Variants in TDRD3 observed in about 807,000 individuals in gnomAD.
TDRD3 encodes the protein tudor domain-containing protein 3.
A neutral mutation model predicts 86.7 loss-of-function variants in TDRD3; 45 were observed. That is an observed-to-expected ratio of 0.52 (90% CI 0.41 to 0.67). TDRD3 has a LOEUF of 0.67. TDRD3 is among the 30% of genes least tolerant of loss of function. The probability of loss-of-function intolerance (pLI) is 0.00; values close to 1 mark genes in which losing one functional copy is unlikely to be tolerated. For synonymous variants in TDRD3, 298 were observed against 301.7 expected (o/e 0.99, Z 0.13); for missense variants, 814 against 889.0 (o/e 0.92, Z 1.07).
rs779230212 is a variant in TDRD3, at chr13:60,494,468, A to G, written c.751A>G (p.Arg251Gly). ...KTFGGGGGGA[R>G]SNLNMNAAGN... The stretch of plus-strand genomic sequence containing the variant: ...ATTTGGAGGAGGTGGTGGTGGTGCT[A>G]GAAGTAATCTCAATATGAATGCTGC... Residue 251 changes from arginine to glycine, a missense_variant, in exon 8 of 14, where the codon AGA becomes GGA. Arg to Gly is a moderately radical substitution (Grantham distance 125, BLOSUM62 -2). Transcript: ENST00000377881. 2 of 1,613,714 alleles carry G rather than the reference A, an allele frequency of 1.2e-6. No individual in the cohort carries two copies. Among genetic ancestry groups the G allele is most frequent in the South Asian group, 1.1e-5 (1 of 91,050 alleles).
chr13:60,533,929 A>G (rs1427391115), intron 11 of TDRD3, among the ~76,000 whole-genome samples: 7 of 152,196 alleles, frequency 4.6e-5, no homozygotes, highest in African/African-American at 1.7e-4. Flanking sequence ...TCAGACCTAC[A>G]ATTTGGGTCC....
intron 8 of TDRD3, among the ~76,000 whole-genome samples, chr13:60,497,259 A>T (rs1386936942): frequency 6.6e-6 from 1 of 152,034 alleles, no homozygotes; most frequent in East Asian, 1.9e-4. Context: ...GATTTAATAG[A>T]GTGAAAACAG....
chr13:60,408,294 C>T (rs976707888), intron 1 of TDRD3, among the ~76,000 whole-genome samples: 3 of 152,106 alleles, frequency 2.0e-5, no homozygotes, highest in South Asian at 2.1e-4. Context: ...TTATCAGCAG[C>T]ATGAAAAAGA....
At chr13:60,561,967 A>G (rs945436803) in intron 12 of TDRD3, among the ~76,000 whole-genome samples, 1 of 152,080 alleles carries the variant, frequency 6.6e-6, no homozygotes, top group African/African-American at 2.4e-5. Flanking sequence ...AGTATTGATA[A>G]TAATACATGA....
At chr13:60,462,111 T>C (rs927656656) in intron 4 of TDRD3, among the ~76,000 whole-genome samples, 2 of 152,214 alleles carry the variant, frequency 1.3e-5, no homozygotes, top group South Asian at 4.1e-4. Context: ...TTTGTTGACA[T>C]TGTGATTATA....
At chr13:60,425,385 G>A in intron 1 of TDRD3, among the ~76,000 whole-genome samples, 1 of 152,252 alleles carries the variant, frequency 6.6e-6, no homozygotes, top group East Asian at 1.9e-4. Flanking sequence ...GGGGTGTGGA[G>A]AAACACCCTA....
intron 3 of TDRD3, among the ~76,000 whole-genome samples, chr13:60,445,789 G>A (rs1955383839): frequency 6.6e-6 from 1 of 152,160 alleles, no homozygotes; most frequent in Non-Finnish European, 1.5e-5. Flanking sequence ...AGCAGTGTCT[G>A]TACATCCTTA....
chr13:60,485,982 T>C, intron 7 of TDRD3, 34 bp downstream of exon 7: 2 of 1,567,468 alleles, frequency 1.3e-6, no homozygotes, highest in South Asian at 1.2e-5. Flanking sequence ...TTTTATTTCT[T>C]ATCATTATGT....
At chr13:60,410,398 C>T (rs1038570164) in intron 1 of TDRD3, among the ~76,000 whole-genome samples, 1 of 152,136 alleles carries the variant, frequency 6.6e-6, no homozygotes, top group African/African-American at 2.4e-5. Context: ...AGAGTTTACT[C>T]TTGTTATCTT....
At chr13:60,450,257 C>A (rs1296205649) in intron 3 of TDRD3, among the ~76,000 whole-genome samples, 1 of 152,044 alleles carries the variant, frequency 6.6e-6, no homozygotes, top group Admixed American at 6.6e-5. Flanking sequence ...GAGGTGTGAC[C>A]CTTCTCTTCT....
chr13:60,455,820 C>T (rs978304557), intron 3 of TDRD3, among the ~76,000 whole-genome samples: 1 of 152,056 alleles, frequency 6.6e-6, no homozygotes, highest in African/African-American at 2.4e-5. Context: ...GTAATCCCAG[C>T]ACTTTAGAAG....
intron 12 of TDRD3, among the ~76,000 whole-genome samples, chr13:60,561,851 G>C (rs1373815520): frequency 6.7e-6 from 1 of 149,456 alleles, no homozygotes; most frequent in Non-Finnish European, 1.5e-5. Flanking sequence ...AGGCTACTAT[G>C]GGCCCAGGTT....
intron 12 of TDRD3, among the ~76,000 whole-genome samples, chr13:60,548,609 G>T (rs1160559579): frequency 6.6e-6 from 1 of 151,930 alleles, no homozygotes; most frequent in Non-Finnish European, 1.5e-5. Flanking sequence ...GCTCAATATG[G>T]TTTCTTGCTG....
chr13:60,456,853 G>A (rs1321138815), intron 3 of TDRD3, among the ~76,000 whole-genome samples: 2 of 151,866 alleles, frequency 1.3e-5, no homozygotes, highest in Non-Finnish European at 2.9e-5. Flanking sequence ...ACACCACCAC[G>A]CTTGGCTAAT....
At chr13:60,489,013 A>G (rs1956517443) in intron 7 of TDRD3, among the ~76,000 whole-genome samples, 1 of 151,726 alleles carries the variant, frequency 6.6e-6, no homozygotes. Flanking sequence ...TTGTCTCTTC[A>G]CTCTGTTGAT....
At chr13:60,453,484 T>TC (rs781087922) in intron 3 of TDRD3, among the ~76,000 whole-genome samples, 1 of 145,548 alleles carries the variant, frequency 6.9e-6, no homozygotes, top group Non-Finnish European at 1.6e-5. Flanking sequence ...TAGCAACACT[T>TC]TCCTTTAATC....
intron 10 of TDRD3, among the ~76,000 whole-genome samples, chr13:60,513,517 A>G (rs1957103558): frequency 6.6e-6 from 1 of 152,066 alleles, no homozygotes; most frequent in Non-Finnish European, 1.5e-5. Context: ...ATATTTTCCC[A>G]TAACTTCATG....
chr13:60,541,507 C>G (rs1385531311), intron 12 of TDRD3, among the ~76,000 whole-genome samples: 1 of 151,600 alleles, frequency 6.6e-6, no homozygotes, highest in Non-Finnish European at 1.5e-5. Flanking sequence ...GTGAATAATA[C>G]CAGAAGCTAT....
At chr13:60,442,283 AT>A (rs1955294790) in intron 2 of TDRD3, among the ~76,000 whole-genome samples, 1 of 152,042 alleles carries the variant, frequency 6.6e-6, no homozygotes, top group South Asian at 2.1e-4. Context: ...AACAAATTAT[AT>A]TTTTATTTCT....
Sources: allele counts gnomAD v4.1 joint callset (sites outside exome capture counted in the v4.1 genomes callset), GRCh38; gene constraint gnomAD v4.1.1; transcripts MANE v1.5; gene names NCBI Gene and HGNC (gene_info 2026-07-23, HGNC 2026-07-21).